CGNL1: variants seen among roughly 807,000 people sequenced by gnomAD.
CGNL1 encodes cingulin like 1.
CGNL1 carries 132 observed loss-of-function variants against 141.2 expected under a neutral mutation model. The observed-to-expected ratio is 0.93, with a 90% CI of 0.81 to 1.08. CGNL1 has a LOEUF of 1.08. Among genes scored for constraint, CGNL1 ranks in the 50% least tolerant of loss-of-function variants. CGNL1 has a pLI of 0.00. For missense variants in CGNL1, 1,870 were observed against 1,588.6 expected (o/e 1.18, Z -3.01); for synonymous variants, 690 against 622.1 (o/e 1.11, Z -1.63).
chr15:57,452,870 T>A (rs1007025744), intron 6 of CGNL1, among the ~76,000 whole-genome samples: 1 of 152,060 alleles, frequency 6.6e-6, no homozygotes, highest in Admixed American at 6.6e-5. Flanking sequence ...AAGTGGAAAG[T>A]CAAGTGGGAA....
At chr15:57,418,786 G>C (rs547421781) in intron 1 of CGNL1, among the ~76,000 whole-genome samples, 2 of 152,316 alleles carry the variant, frequency 1.3e-5, no homozygotes, top group South Asian at 4.1e-4. Flanking sequence ...GACCTGACCA[G>C]CATGTGTGCC....
At chr15:57,486,755 C>A (rs1433601242) in intron 8 of CGNL1, among the ~76,000 whole-genome samples, 1 of 152,146 alleles carries the variant, frequency 6.6e-6, no homozygotes, top group Non-Finnish European at 1.5e-5. Flanking sequence ...GAGTTTGAGG[C>A]ATCTGTGGGA....
intron 1 of CGNL1, among the ~76,000 whole-genome samples, chr15:57,399,552 T>TTC: frequency 6.6e-6 from 1 of 151,990 alleles, no homozygotes; most frequent in East Asian, 1.9e-4. Flanking sequence ...GTTGTTTTTT[T>TTC]TTTTTTTCCT....
chr15:57,544,493 G>T lies in CGNL1; in HGVS notation c.3396G>T (p.Arg1132=). The T allele has an allele frequency of 6.2e-7, 1 of 1,614,018 alleles. No individual in the cohort carries two copies. The highest frequency in any genetic ancestry group is 8.5e-7 in the Non-Finnish European group (1 of 1,179,976). ...LERQNKDLKS[R]IIHLEGSYRS... The stretch of plus-strand genomic sequence containing the variant: ...TCCAGAACAAGGACTTAAAGAGCCG[G>T]ATTATCCACCTGGAAGGTTCCTACA... Residue 1132 remains arginine (R), a synonymous_variant, in exon 16 of 19, where the codon CGG becomes CGT. Coordinates refer to ENST00000281282, the MANE Select transcript of CGNL1 (RefSeq NM_032866.5).
intron 4 of CGNL1, among the ~76,000 whole-genome samples, chr15:57,449,163 T>G (rs564700268): frequency 2.0e-5 from 3 of 152,338 alleles, no homozygotes; most frequent in South Asian, 4.1e-4. Context: ...CTTTGCCTCC[T>G]AATAGGTCTT....
At chr15:57,469,574 C>T (rs1162112021) in intron 8 of CGNL1, among the ~76,000 whole-genome samples, 4 of 151,950 alleles carry the variant, frequency 2.6e-5, no homozygotes, top group Non-Finnish European at 4.4e-5. Context: ...GCTATTTTTG[C>T]ATTAGACATG....
At chr15:57,405,772 C>CTCCTTTCTTTCTTTCTT (rs1555430994) in intron 1 of CGNL1, among the ~76,000 whole-genome samples, 2 of 123,492 alleles carry the variant, frequency 1.6e-5, no homozygotes, top group African/African-American at 6.6e-5. Context: ...TTCTTTCTTT[C>CTCCTTTCTTTCTTTCTT]TCTTTCTTTC....
At chr15:57,453,970 T>G in intron 7 of CGNL1, 152 bp downstream of exon 7, 2 of 767,368 alleles carry the variant, frequency 2.6e-6, no homozygotes, top group East Asian at 2.7e-5. Flanking sequence ...ATGCGCTTGA[T>G]TCTCTCCTCT....
chr15:57,388,246 GA>G (rs1445280059), intron 1 of CGNL1, among the ~76,000 whole-genome samples: 1 of 152,208 alleles, frequency 6.6e-6, no homozygotes, highest in Non-Finnish European at 1.5e-5. Flanking sequence ...GCCCCGAGAA[GA>G]GGAAGCAGGC....
At chr15:57,505,805 A>G (rs1001265586) in intron 8 of CGNL1, among the ~76,000 whole-genome samples, 1 of 152,232 alleles carries the variant, frequency 6.6e-6, no homozygotes, top group Non-Finnish European at 1.5e-5. Flanking sequence ...AGGAAGCACT[A>G]ATGAGAAGCA....
intron 1 of CGNL1, among the ~76,000 whole-genome samples, chr15:57,435,378 G>A (rs1170264842): frequency 1.4e-5 from 2 of 147,018 alleles, no homozygotes; most frequent in African/African-American, 5.0e-5. Context: ...AGGGAGGTAA[G>A]TATTAGAAGA....
At position 57,549,713 on chromosome 15, in the gene CGNL1, T is replaced by A. The variant is rs1304763823; in HGVS notation, c.*2223T>A. 1 of 152,202 alleles carries A rather than the reference T, an allele frequency of 6.6e-6. No individual in the cohort carries two copies. Among genetic ancestry groups the A allele is most frequent in the Non-Finnish European group, 1.5e-5 (1 of 68,086 alleles). The allele number at this position is 152,202 out of a possible 1,614,324, so 9.4% of individuals were successfully genotyped here. ...ATTCCTCCCCTCCTGGAGCTCAGTG[T>A]CAGGAAAGGGGGTGATAAATGACAA... On this transcript the variant is annotated 3_prime_UTR_variant, in exon 19 of 19. Coordinates refer to ENST00000281282, the MANE Select transcript of CGNL1 (RefSeq NM_032866.5).
intron 8 of CGNL1, among the ~76,000 whole-genome samples, chr15:57,467,324 G>C (rs1376401434): frequency 6.6e-6 from 1 of 152,212 alleles, no homozygotes; most frequent in Non-Finnish European, 1.5e-5. Context: ...AATCACGAAA[G>C]ATTTTAGGGA....
chr15:57,390,327 T>A (rs1171579780), intron 1 of CGNL1, among the ~76,000 whole-genome samples: 1 of 152,214 alleles, frequency 6.6e-6, no homozygotes, highest in Non-Finnish European at 1.5e-5. Context: ...TTGGGCAGAT[T>A]ACAGAGGCAT....
At chr15:57,515,428 C>A (rs1427928130) in intron 8 of CGNL1, among the ~76,000 whole-genome samples, 1 of 152,196 alleles carries the variant, frequency 6.6e-6, no homozygotes, top group African/African-American at 2.4e-5. Context: ...TATAAGTGAG[C>A]AGTTCTAGCA....
chr15:57,383,306 G>GTTT (rs3051173), intron 1 of CGNL1, among the ~76,000 whole-genome samples: 1 of 82,626 alleles, frequency 1.2e-5, no homozygotes, highest in African/African-American at 5.1e-5. Flanking sequence ...TTTTTTTTTT[G>GTTT]TTTTTTTGAT....
intron 8 of CGNL1, among the ~76,000 whole-genome samples, chr15:57,514,145 C>T (rs1255234563): frequency 6.6e-5 from 9 of 135,408 alleles, no homozygotes; most frequent in Non-Finnish European, 1.5e-4. Flanking sequence ...GGATCCTTTC[C>T]CCATTGTTTA....
intron 18 of CGNL1, among the ~76,000 whole-genome samples, chr15:57,546,753 G>T (rs1244967821): frequency 6.6e-6 from 1 of 152,124 alleles, no homozygotes; most frequent in Non-Finnish European, 1.5e-5. Context: ...CTGCTCTAGG[G>T]TCTCTCCCCG....
At chr15:57,386,905 C>T (rs1161890620) in intron 1 of CGNL1, among the ~76,000 whole-genome samples, 4 of 152,136 alleles carry the variant, frequency 2.6e-5, no homozygotes, top group Admixed American at 6.5e-5. Flanking sequence ...CTTTCTGGTT[C>T]TTGGTATTTT....
Sources: allele counts gnomAD v4.1 joint callset (sites outside exome capture counted in the v4.1 genomes callset), GRCh38; gene constraint gnomAD v4.1.1; transcripts MANE v1.5; gene names NCBI Gene and HGNC (gene_info 2026-07-23, HGNC 2026-07-21).